Variants in MRAP2 observed in about 807,000 individuals in gnomAD.
MRAP2 encodes the protein melanocortin 2 receptor accessory protein 2, also known as melanocortin-2 receptor accessory protein 2.
In MRAP2, 20 loss-of-function variants were observed where a neutral mutation model predicts 17.4. That is an observed-to-expected ratio of 1.15 (90% CI 0.81 to 1.67). MRAP2 has a LOEUF of 1.67. Ranked by LOEUF, MRAP2 falls within the 40% of genes most tolerant of loss-of-function variation. MRAP2 has a pLI of 0.00. For synonymous variants in MRAP2, 96 were observed against 88.4 expected (o/e 1.09, Z -0.48); for missense variants, 238 against 240.0 (o/e 0.99, Z 0.05).
downstream of MRAP2, among the ~76,000 whole-genome samples, chr6:84,095,283 A>T (rs1245466925): frequency 6.6e-6 from 1 of 152,202 alleles, no homozygotes; most frequent in Non-Finnish European, 1.5e-5. Flanking sequence ...CTCCAGAGGG[A>T]GACACTATCT....
chr6:84,075,422 A>AT (rs2099497339), intron 3 of MRAP2, among the ~76,000 whole-genome samples: 1 of 152,070 alleles, frequency 6.6e-6, no homozygotes, highest in Non-Finnish European at 1.5e-5. Context: ...GATGGGGATT[A>AT]TTTTTTCCAT....
intron 2 of MRAP2, chr6:84,062,419 A>G (rs2099493394): frequency 4.0e-6 from 2 of 503,442 alleles, no homozygotes; most frequent in Non-Finnish European, 2.6e-6. Flanking sequence ...CTCTGAATCT[A>G]TTCTGATTCT....
At chr6:84,109,795 C>G in the MRAP2 span, among the ~76,000 whole-genome samples, 7,668 of 151,428 alleles carry the variant, frequency 0.051, 675 homozygotes, top group African/African-American at 0.18. Context: ...TGTTCCCCTC[C>G]CTGTGTCCAT....
In MRAP2 at chr6:84,089,324, C is replaced by T; in HGVS notation, c.461C>T (p.Pro154Leu). 6.2e-7 allele frequency: 1 copy of T among 1,614,198 alleles called. No individual in the cohort carries two copies. Among genetic ancestry groups the T allele is most frequent in the Non-Finnish European group, 8.5e-7 (1 of 1,180,042 alleles). The change falls in exon 4 of 4, where the codon CCA (proline) becomes CTA (leucine). Residue 154 changes from proline (P) to leucine (L), a missense_variant. Pro to Leu is a moderately conservative substitution (Grantham distance 98). Coordinates refer to ENST00000257776, the MANE Select transcript of MRAP2 (RefSeq NM_138409.4). ...LQEAIRSSGQPEEELNRLMKF... is the reference protein window; with the variant it reads ...LQEAIRSSGQLEEELNRLMKF... ...GAAGCCATCAGAAGCAGTGGGCAGC[C>T]AGAGGAGGAGCTGAACAGGCTCATG...
intron 3 of MRAP2, chr6:84,063,338 A>G: frequency 1.0e-6 from 1 of 985,318 alleles, no homozygotes; most frequent in Non-Finnish European, 1.2e-6. Context: ...CACCATATTA[A>G]AAACAGTGGA....
the MRAP2 span, among the ~76,000 whole-genome samples, chr6:84,134,204 C>G: frequency 6.6e-6 from 1 of 152,152 alleles, no homozygotes; most frequent in Non-Finnish European, 1.5e-5. Flanking sequence ...GGATGCCACT[C>G]CCCCCACCAA....
At chr6:84,131,985 G>A in the MRAP2 span, among the ~76,000 whole-genome samples, 5 of 152,166 alleles carry the variant, frequency 3.3e-5, no homozygotes, top group Admixed American at 2.6e-4. Context: ...GGTACCAGTC[G>A]TTCCTTTCCA....
chr6:84,093,822 A>G (rs574086242), downstream of MRAP2, among the ~76,000 whole-genome samples: 2 of 152,214 alleles, frequency 1.3e-5, no homozygotes, highest in Non-Finnish European at 2.9e-5. Context: ...TTTAAGTCTA[A>G]GTATGCATAT....
chr6:84,104,361 A>G, the MRAP2 span, among the ~76,000 whole-genome samples: 1 of 152,064 alleles, frequency 6.6e-6, no homozygotes, highest in Non-Finnish European at 1.5e-5. Context: ...CCCTGAAGAT[A>G]TTTTCCCCAT....
rs1158945001 is a variant in MRAP2 at position 84,033,899 on chromosome 6, A to G, written c.-8+16A>G. The G allele has an allele frequency of 1.0e-6, 1 of 985,930 alleles. No individual in the cohort carries two copies. Among genetic ancestry groups the G allele is most frequent in the Non-Finnish European group, 1.2e-6 (1 of 830,176 alleles). 61.1% of individuals were successfully genotyped at this position (985,930 alleles called of 1,614,324 possible). ...TAGCCAGCCGGTAACCACGGGCGGG[A>G]CAGGGCGCCCAGGGCGGAGCAAAGC... is the stretch of plus-strand genomic sequence containing the variant. On this transcript the variant is annotated intron_variant, in intron 1 of 3. Transcript: ENST00000257776.
In MRAP2 at chr6:84,083,783, C is replaced by G. The variant is rs527883137; in HGVS notation, c.228-5308C>G. The stretch of plus-strand genomic sequence containing the variant: ...TCCCTTTTAAATTTATTAATCAGAT[C>G]TCTTTAATATATTTTAGTAGAAAAA... On this transcript the variant is annotated intron_variant, in intron 3 of 3. Transcript: ENST00000257776. Among the ~76,000 whole-genome samples the G allele has an allele frequency of 1.1e-4, 16 of 152,264 alleles. No homozygotes were observed. The East Asian group carries it at 2.1e-3, about 20-fold the overall frequency.
chr6:84,054,520 T>G (rs1179452135), intron 1 of MRAP2, among the ~76,000 whole-genome samples: 4 of 152,208 alleles, frequency 2.6e-5, no homozygotes, highest in Admixed American at 2.6e-4. Context: ...ACTATGCAAC[T>G]TTTGCTGCCT....
chr6:84,119,349 C>T, the MRAP2 span, among the ~76,000 whole-genome samples: 1 of 152,106 alleles, frequency 6.6e-6, no homozygotes, highest in African/African-American at 2.4e-5. Context: ...ATTTCTTTCA[C>T]CTAAGTTTTT....
At chr6:84,125,869 C>T in the MRAP2 span, among the ~76,000 whole-genome samples, 3 of 152,122 alleles carry the variant, frequency 2.0e-5, no homozygotes, top group East Asian at 3.8e-4. Flanking sequence ...CCCAAGCAGA[C>T]TAATACACTG....
At chr6:84,111,568 C>T in the MRAP2 span, among the ~76,000 whole-genome samples, 1 of 152,138 alleles carries the variant, frequency 6.6e-6, no homozygotes, top group Non-Finnish European at 1.5e-5. Context: ...ATTTGACTTC[C>T]TCTTTTTCTA....
intron 3 of MRAP2, among the ~76,000 whole-genome samples, chr6:84,064,476 G>T (rs747015477): frequency 2.2e-5 from 3 of 137,420 alleles, no homozygotes; most frequent in South Asian, 4.3e-4. Flanking sequence ...CTGGCATTTT[G>T]GTTTTGTTTT....
At chr6:84,036,616 A>C (rs1023612283) in intron 1 of MRAP2, among the ~76,000 whole-genome samples, 4 of 152,140 alleles carry the variant, frequency 2.6e-5, no homozygotes, top group Admixed American at 6.5e-5. Flanking sequence ...GAGCAGCAGC[A>C]AGATTTATTG....
chr6:84,041,653 T>C (rs1374652805), intron 1 of MRAP2, among the ~76,000 whole-genome samples: 1 of 152,382 alleles, frequency 6.6e-6, no homozygotes, highest in Middle Eastern at 3.4e-3. Context: ...CAAAGGAGAT[T>C]ATTTCAGAGC....
rs750502288 is a variant in MRAP2, at chr6:84,055,477, T to C, written c.127+32T>C. 3 of 1,599,850 alleles carry C rather than the reference T, an allele frequency of 1.9e-6. No individual in the cohort carries two copies. In the South Asian group the frequency reaches 3.4e-5, roughly 18 times the overall value. Reference sequence around the variant, plus strand: ...TTTATACAATTCCTCATTGAAAGCATAATTGTATTTCTCTTAACCTGTGAA... The same window carrying C: ...TTTATACAATTCCTCATTGAAAGCACAATTGTATTTCTCTTAACCTGTGAA... On this transcript the variant is annotated intron_variant, in intron 2 of 3. Transcript: ENST00000257776.
Sources: allele counts gnomAD v4.1 joint callset (sites outside exome capture counted in the v4.1 genomes callset), GRCh38; gene constraint gnomAD v4.1.1; transcripts MANE v1.5; gene names NCBI Gene and HGNC (gene_info 2026-07-23, HGNC 2026-07-21).